RUNX2: variants seen among roughly 807,000 people sequenced by gnomAD.
RUNX2 encodes runt-related transcription factor 2.
In RUNX2, 10 loss-of-function variants were observed where a neutral mutation model predicts 51.7. That is an observed-to-expected ratio of 0.19 (90% CI 0.12 to 0.33). The LOEUF is 0.33. Among genes scored for constraint, RUNX2 ranks in the 10% least tolerant of loss-of-function variants. The pLI, the probability that RUNX2 is intolerant of heterozygous loss-of-function variation, is 1.00. For missense variants in RUNX2, 562 were observed against 691.3 expected (o/e 0.81, Z 2.10); for synonymous variants, 276 against 273.6 (o/e 1.01, Z -0.09).
intron 6 of RUNX2, among the ~76,000 whole-genome samples, chr6:45,495,094 C>A (rs974507673): frequency 6.6e-6 from 1 of 152,220 alleles, no homozygotes; most frequent in African/African-American, 2.4e-5. Flanking sequence ...AGTTCTGGAA[C>A]CTTCATCCAA....
intron 2 of RUNX2, among the ~76,000 whole-genome samples, chr6:45,333,380 T>C (rs1787905864): frequency 6.6e-6 from 1 of 151,570 alleles, no homozygotes; most frequent in Non-Finnish European, 1.5e-5. Flanking sequence ...TTTTAAGACC[T>C]GTATAGCAAT....
At chr6:45,471,485 C>T (rs1477787037) in intron 5 of RUNX2, among the ~76,000 whole-genome samples, 21 of 150,244 alleles carry the variant, frequency 1.4e-4, no homozygotes, top group Non-Finnish European at 7.4e-5. Flanking sequence ...CGCTGTGTCG[C>T]CCAGGCTGGA....
At position 45,461,648 on chromosome 6, in the gene RUNX2, G is replaced by A. The variant is rs116310295; in HGVS notation, c.685+23597G>A. 2.8e-3 allele frequency among the ~76,000 whole-genome samples: 432 copies of A among 152,246 alleles called. 1 individual carries two copies. Among genetic ancestry groups the A allele is most frequent in the African/African-American group, 9.6e-3 (397 of 41,536 alleles). ...TGTACCATTGCTGTTCTTGGCACTA[G>A]TCTGGGCACTCTTCTAAGCTCTGTT... On this transcript the variant is annotated intron_variant, in intron 5 of 8. Transcript: ENST00000647337.
At chr6:45,444,142 G>A (rs914190792) in intron 5 of RUNX2, among the ~76,000 whole-genome samples, 5 of 152,300 alleles carry the variant, frequency 3.3e-5, no homozygotes, top group Middle Eastern at 3.4e-3. Flanking sequence ...GAGCCACTGC[G>A]CCTGGCCAAG....
intron 2 of RUNX2, among the ~76,000 whole-genome samples, chr6:45,381,164 A>G (rs906341220): frequency 3.3e-5 from 5 of 152,216 alleles, no homozygotes; most frequent in Admixed American, 6.5e-5. Flanking sequence ...CATTCTCAAA[A>G]GTATCTTGTT....
At chr6:45,472,093 C>T (rs1302408090) in intron 5 of RUNX2, among the ~76,000 whole-genome samples, 1 of 152,020 alleles carries the variant, frequency 6.6e-6, no homozygotes, top group East Asian at 1.9e-4. Context: ...AATTCTCATG[C>T]ACGACTAGGC....
intron 7 of RUNX2, among the ~76,000 whole-genome samples, chr6:45,541,296 C>T (rs1395415097): frequency 6.6e-6 from 1 of 152,010 alleles, no homozygotes; most frequent in African/African-American, 2.4e-5. Context: ...GCTAATAATT[C>T]AATAAGGGAG....
chr6:45,332,347 T>TA (rs1787683450), intron 2 of RUNX2, among the ~76,000 whole-genome samples: 1 of 95,314 alleles, frequency 1.0e-5, no homozygotes, highest in South Asian at 3.0e-4. Flanking sequence ...ACCTCAACTG[T>TA]ATATATATAT....
chr6:45,404,844 G>A (rs1369450697), intron 2 of RUNX2, among the ~76,000 whole-genome samples: 1 of 152,244 alleles, frequency 6.6e-6, no homozygotes, highest in East Asian at 1.9e-4. Flanking sequence ...TAGCCATACG[G>A]TCAGATAGGC....
In RUNX2 at chr6:45,548,949, T is replaced by G. The variant is rs911455546; in HGVS notation, c.*1644T>G. Reference sequence around the variant, plus strand: ...TGAAAAGGCAGCAGGTTCCAGCAGGTAGCTGAGCTGAGAGGACATATGGCC... The same window carrying G: ...TGAAAAGGCAGCAGGTTCCAGCAGGGAGCTGAGCTGAGAGGACATATGGCC... On this transcript the variant is annotated 3_prime_UTR_variant, in exon 9 of 9. Coordinates refer to ENST00000647337, the MANE Select transcript of RUNX2 (RefSeq NM_001024630.4). 5.1e-6 allele frequency: 2 copies of G among 394,622 alleles called. No individual in the cohort carries two copies. Among genetic ancestry groups the G allele is most frequent in the Non-Finnish European group, 8.9e-6 (2 of 223,812 alleles). The allele number at this position is 394,622 out of a possible 1,614,324, so 24.4% of individuals were successfully genotyped here.
intron 2 of RUNX2, among the ~76,000 whole-genome samples, chr6:45,409,119 G>C (rs2064630): frequency 0.48 from 72,464 of 151,870 alleles, 17,558 homozygotes; most frequent in South Asian, 0.62. Context: ...ATTTTTCATA[G>C]CATACTGAAT....
chr6:45,507,998 T>C (rs1362011395), intron 6 of RUNX2, among the ~76,000 whole-genome samples: 1 of 152,174 alleles, frequency 6.6e-6, no homozygotes, highest in Non-Finnish European at 1.5e-5. Flanking sequence ...TCCCATTTTA[T>C]AGATGAGGAA....
intron 7 of RUNX2, among the ~76,000 whole-genome samples, chr6:45,518,864 A>T (rs182263279): frequency 6.6e-6 from 1 of 152,232 alleles, no homozygotes; most frequent in Non-Finnish European, 1.5e-5. Context: ...TTAATTTTCT[A>T]ACGATAGATA....
intron 5 of RUNX2, among the ~76,000 whole-genome samples, chr6:45,445,621 G>T (rs1798972216): frequency 1.3e-5 from 2 of 152,122 alleles, no homozygotes; most frequent in South Asian, 4.2e-4. Flanking sequence ...TGTCTCCGAA[G>T]TGCCCAAGGA....
At chr6:45,345,304 G>A (rs1790626533) in intron 2 of RUNX2, among the ~76,000 whole-genome samples, 1 of 152,156 alleles carries the variant, frequency 6.6e-6, no homozygotes, top group Non-Finnish European at 1.5e-5. Context: ...GAGGTTGACA[G>A]TAAAACTTTT....
intron 5 of RUNX2, among the ~76,000 whole-genome samples, chr6:45,444,260 G>A (rs1563089714): frequency 1.3e-5 from 2 of 152,220 alleles, no homozygotes; most frequent in Non-Finnish European, 2.9e-5. Context: ...AAATTTTTGT[G>A]TGTCGGGTCT....
intron 6 of RUNX2, among the ~76,000 whole-genome samples, chr6:45,493,428 C>T (rs1391440879): frequency 1.3e-5 from 2 of 152,020 alleles, no homozygotes; most frequent in Non-Finnish European, 2.9e-5. Flanking sequence ...TTCACACTAA[C>T]TTGTGAATTT....
intron 7 of RUNX2, among the ~76,000 whole-genome samples, chr6:45,543,969 TA>T: frequency 6.6e-6 from 1 of 151,384 alleles, no homozygotes; most frequent in East Asian, 1.9e-4. Context: ...CGTATGGTAC[TA>T]GAGCAAATTG....
intron 7 of RUNX2, among the ~76,000 whole-genome samples, chr6:45,532,026 G>A (rs1801865821): frequency 6.6e-6 from 1 of 152,114 alleles, no homozygotes; most frequent in South Asian, 2.1e-4. Context: ...AAGGATGAAA[G>A]ACTTTCTTAA....
Sources: allele counts gnomAD v4.1 joint callset (sites outside exome capture counted in the v4.1 genomes callset), GRCh38; gene constraint gnomAD v4.1.1; transcripts MANE v1.5; gene names NCBI Gene and HGNC (gene_info 2026-07-23, HGNC 2026-07-21).